CCDC179: variants seen among roughly 807,000 people sequenced by gnomAD.
CCDC179 encodes the protein coiled-coil domain containing 179.
In CCDC179, 17 loss-of-function variants were observed where a neutral mutation model predicts 12.0. That is an observed-to-expected ratio of 1.42 (90% CI 0.97 to 2.13). The LOEUF is 2.13. Among genes scored for constraint, CCDC179 ranks in the 30% most tolerant of loss-of-function variants. The probability of loss-of-function intolerance (pLI) is 0.00; values close to 1 mark genes in which losing one functional copy is unlikely to be tolerated. For missense variants in CCDC179, 83 were observed against 78.6 expected, an observed-to-expected ratio of 1.06 and a Z score of -0.21; for synonymous variants, 27 against 26.4, an observed-to-expected ratio of 1.02 and a Z score of -0.07.
chr11:22,855,596 G>A (rs899003726), intron 3 of CCDC179, among the ~76,000 whole-genome samples: 3 of 151,372 alleles, frequency 2.0e-5, no homozygotes, highest in Non-Finnish European at 4.4e-5. Context: ...TATTAGAAAA[G>A]AAGTAGCTCT....
At position 22,847,347 on chromosome 11, in the gene CCDC179, C is replaced by G. The variant is rs1858245854; in HGVS notation, c.*163G>C. 2 of 394,572 alleles carry G rather than the reference C, an allele frequency of 5.1e-6. No individual in the cohort carries two copies. The highest frequency in any genetic ancestry group is 8.8e-6 in the Non-Finnish European group (2 of 226,472). 24.4% of individuals were successfully genotyped at this position (394,572 alleles called of 1,614,324 possible). A position where few individuals can be genotyped will look rare whatever the true frequency, so the allele number is the denominator to read the frequency against. On this transcript the variant is annotated 3_prime_UTR_variant, in exon 4 of 4. Transcript: ENST00000532798. ...GATGGCATTTAATAAAATTCTAGAG[C>G]CTGTAGCTTGGATATTAAATACTTG...
chr11:22,856,103 A>G (rs1430667434), intron 3 of CCDC179, among the ~76,000 whole-genome samples: 1 of 151,448 alleles, frequency 6.6e-6, no homozygotes, highest in Non-Finnish European at 1.5e-5. Flanking sequence ...TAAAAAAGAA[A>G]CTACTAATTC....
chr11:22,859,251 A>T (rs190371899), intron 2 of CCDC179, among the ~76,000 whole-genome samples: 1 of 152,196 alleles, frequency 6.6e-6, no homozygotes, highest in African/African-American at 2.4e-5. Flanking sequence ...CAAATGTTAC[A>T]TTAAAAAATA....
intron 3 of CCDC179, among the ~76,000 whole-genome samples, chr11:22,848,344 C>T (rs7952720): frequency 0.52 from 79,467 of 151,598 alleles, 21,147 homozygotes; most frequent in Middle Eastern, 0.7. Context: ...CTTGGAAGGC[C>T]GAGGCAGGAG....
At chr11:22,850,214 T>G (rs561836353) in intron 3 of CCDC179, among the ~76,000 whole-genome samples, 1 of 152,336 alleles carries the variant, frequency 6.6e-6, no homozygotes, top group South Asian at 2.1e-4. Context: ...CTCGATTTTA[T>G]AGGCTGCCCT....
intron 3 of CCDC179, among the ~76,000 whole-genome samples, chr11:22,851,978 A>C (rs1455760768): frequency 6.6e-6 from 1 of 152,116 alleles, no homozygotes; most frequent in Non-Finnish European, 1.5e-5. Flanking sequence ...AATATGTCAG[A>C]GCTCTCCGTT....
intron 3 of CCDC179, among the ~76,000 whole-genome samples, chr11:22,854,084 A>C (rs1436485667): frequency 6.6e-6 from 1 of 151,894 alleles, no homozygotes; most frequent in East Asian, 1.9e-4. Context: ...GAAACCTAGG[A>C]TTCTGTATCA....
chr11:22,858,627 A>G (rs1011464389), intron 2 of CCDC179, among the ~76,000 whole-genome samples: 3 of 152,086 alleles, frequency 2.0e-5, no homozygotes, highest in African/African-American at 7.2e-5. Context: ...ATAACAGAAT[A>G]TAAACTTGAA....
intron 3 of CCDC179, among the ~76,000 whole-genome samples, chr11:22,850,832 C>A (rs981668264): frequency 6.7e-6 from 1 of 149,900 alleles, no homozygotes; most frequent in Non-Finnish European, 1.5e-5. Context: ...TTGTCTTACA[C>A]TATAGAAAGG....
In CCDC179 at chr11:22,847,527, C is replaced by A. The variant is rs575273550; in HGVS notation, c.196-6G>T. ...CTGCTTTATCAAGATGACCACTAGA[C>A]AAGATTAAAATACACAAAGAATAAG... On this transcript the variant is annotated splice_polypyrimidine_tract_variant and splice_region_variant and intron_variant, in intron 3 of 3. Coordinates refer to ENST00000532798, the MANE Select transcript of CCDC179 (RefSeq NM_001195637.2). The A allele has an allele frequency of 6.9e-4, 957 of 1,394,226 alleles. 4 individuals carry two copies. The Middle Eastern group carries it at 0.016, about 24-fold the overall frequency. The allele number at this position is 1,394,226 out of a possible 1,614,324, so 86.4% of individuals were successfully genotyped here.
intron 3 of CCDC179, among the ~76,000 whole-genome samples, chr11:22,849,052 A>C (rs1858307142): frequency 2.6e-5 from 4 of 152,238 alleles, no homozygotes; most frequent in Admixed American, 2.6e-4. Flanking sequence ...GATACTATAC[A>C]TCTTGGTCAA....
At chr11:22,853,634 T>A (rs1345485944) in intron 3 of CCDC179, among the ~76,000 whole-genome samples, 7 of 132,626 alleles carry the variant, frequency 5.3e-5, no homozygotes, top group African/African-American at 2.0e-4. Flanking sequence ...TTACAAAAAG[T>A]ATAAATATGT....
intron 3 of CCDC179, among the ~76,000 whole-genome samples, chr11:22,850,955 TATATA>T (rs1858366965): frequency 1.1e-4 from 1 of 9,246 alleles, no homozygotes; most frequent in Non-Finnish European, 4.6e-4. Flanking sequence ...TATATATATA[TATATA>T]TATATATATA....
chr11:22,848,531 G>A (rs543269343), intron 3 of CCDC179, among the ~76,000 whole-genome samples: 2 of 152,018 alleles, frequency 1.3e-5, no homozygotes, highest in African/African-American at 2.4e-5. Context: ...TAACTTCATC[G>A]CACGTCCTCT....
At chr11:22,849,633 T>C (rs1309936301) in intron 3 of CCDC179, among the ~76,000 whole-genome samples, 2 of 152,154 alleles carry the variant, frequency 1.3e-5, no homozygotes, top group East Asian at 1.9e-4. Context: ...ATATACACTA[T>C]ACCCAACGTA....
At chr11:22,847,677 C>G (rs189314697) in intron 3 of CCDC179, among the ~76,000 whole-genome samples, 156 bp from the exon 4 acceptor site, 1 of 152,132 alleles carries the variant, frequency 6.6e-6, no homozygotes, top group Non-Finnish European at 1.5e-5. Context: ...GCTAGGAATG[C>G]TATTTTAAAC....
chr11:22,857,869 G>C, intron 3 of CCDC179, 53 bp downstream of exon 3: 2 of 844,372 alleles, frequency 2.4e-6, no homozygotes, highest in South Asian at 4.0e-5. Flanking sequence ...TTAAAATGAT[G>C]ATATCAGTTG....
chr11:22,850,161 T>G (rs1382783316), intron 3 of CCDC179, among the ~76,000 whole-genome samples: 2 of 152,202 alleles, frequency 1.3e-5, no homozygotes, highest in African/African-American at 4.8e-5. Flanking sequence ...GGAGCTGTCA[T>G]TTTGAACATG....
intron 3 of CCDC179, among the ~76,000 whole-genome samples, 200 bp from the exon 4 acceptor site, chr11:22,847,721 A>G (rs1858258327): frequency 6.6e-6 from 1 of 152,174 alleles, no homozygotes; most frequent in South Asian, 2.1e-4. Context: ...GAAGCCAGAT[A>G]CAAAAATAAT....
Sources: allele counts gnomAD v4.1 joint callset (sites outside exome capture counted in the v4.1 genomes callset), GRCh38; gene constraint gnomAD v4.1.1; transcripts MANE v1.5; gene names NCBI Gene and HGNC (gene_info 2026-07-23, HGNC 2026-07-21).